KIAA0930: variants seen among roughly 807,000 people sequenced by gnomAD.
KIAA0930 encodes the protein KIAA0930.
KIAA0930 carries 24 observed loss-of-function variants against 43.9 expected under a neutral mutation model. The ratio of observed to expected loss-of-function variants is 0.55; its 90% CI spans 0.40 to 0.77. The LOEUF (loss-of-function observed/expected upper bound fraction) is 0.77. KIAA0930 is among the 30% of genes least tolerant of loss of function. KIAA0930 has a pLI of 0.00. For missense variants in KIAA0930, 461 were observed against 574.2 expected, an observed-to-expected ratio of 0.80 and a Z score of 2.02; for synonymous variants, 259 against 216.4, an observed-to-expected ratio of 1.20 and a Z score of -1.73.
At chr22:45,213,291 C>T (rs1242526124) in intron 1 of KIAA0930, 1 of 1,301,006 alleles carries the variant, frequency 7.7e-7, no homozygotes, top group African/African-American at 1.5e-5. Flanking sequence ...CCTCTGCCCT[C>T]AGCCCTCTGC....
Position 45,230,220 on chromosome 22 carries a change from G to A in KIAA0930, c.64+10420C>T, listed in dbSNP as rs1339291982. Among the ~76,000 whole-genome samples, 3 of 152,202 alleles carry A rather than the reference G, an allele frequency of 2.0e-5. No homozygotes were observed. In the East Asian group the frequency reaches 5.8e-4, roughly 29 times the overall value. On this transcript the variant is annotated intron_variant, in intron 1 of 9. Transcript: ENST00000336156. ...TTGGCCTGCGGCTGAGGAGTGCAGG[G>A]GAGAGCAGACACAGGGCGGGCAGCG...
intron 1 of KIAA0930, among the ~76,000 whole-genome samples, chr22:45,240,105 T>C (rs909387569): frequency 1.3e-5 from 2 of 149,734 alleles, no homozygotes; most frequent in Non-Finnish European, 3.0e-5. Flanking sequence ...GCCCAACAGG[T>C]CCCTGGATAC....
chr22:45,212,129 G>T (rs774603784), intron 1 of KIAA0930, 22 bp from the exon 2 acceptor site: 1 of 1,613,732 alleles, frequency 6.2e-7, no homozygotes, highest in Admixed American at 1.7e-5. Context: ...GGCCAGACAG[G>T]AGTGAGGAAG....
chr22:45,209,585 C>T (rs945143287), intron 2 of KIAA0930, among the ~76,000 whole-genome samples: 2 of 152,168 alleles, frequency 1.3e-5, no homozygotes, highest in African/African-American at 2.4e-5. Flanking sequence ...ACAACCCGCC[C>T]GCCAGATGTC....
At chr22:45,233,238 T>C (rs537615695) in intron 1 of KIAA0930, among the ~76,000 whole-genome samples, 21 of 152,262 alleles carry the variant, frequency 1.4e-4, no homozygotes, top group African/African-American at 4.8e-4. Context: ...TTCACTCAGA[T>C]GCCCAGGTCG....
intron 1 of KIAA0930, among the ~76,000 whole-genome samples, chr22:45,219,478 T>C (rs898209962): frequency 6.6e-6 from 1 of 150,984 alleles, no homozygotes; most frequent in East Asian, 2.0e-4. Context: ...CTGATTAAAA[T>C]AGTTTATAGC....
In KIAA0930 at chr22:45,212,116, G is replaced by A. The variant is rs770119183; in HGVS notation, c.65-9C>T. On this transcript the variant is annotated splice_polypyrimidine_tract_variant and intron_variant, in intron 1 of 9. Coordinates refer to ENST00000336156, the MANE Select transcript of KIAA0930 (RefSeq NM_001009880.2). ...GTCATCCTTGAAGCACCCTGCAGAG[G>A]GAGGCCAGACAGGAGTGAGGAAGGA... The A allele has an allele frequency of 6.2e-7, 1 of 1,613,746 alleles. No homozygotes were observed. Among genetic ancestry groups the A allele is most frequent in the Non-Finnish European group, 8.5e-7 (1 of 1,179,934 alleles).
At chr22:45,197,360 C>A (rs371797912) in intron 9 of KIAA0930, 144 bp from the exon 10 acceptor site, 2 of 697,810 alleles carry the variant, frequency 2.9e-6, no homozygotes, top group Admixed American at 3.0e-5. Context: ...GCAGAGGAGA[C>A]GTGTCTCCAC....
intron 1 of KIAA0930, among the ~76,000 whole-genome samples, chr22:45,228,821 C>T (rs1204257177): frequency 2.0e-5 from 2 of 101,522 alleles, no homozygotes; most frequent in African/African-American, 4.6e-5. Context: ...TCTCCACCCC[C>T]GCCATCACCA....
chr22:45,222,485 T>C (rs1295130881), intron 1 of KIAA0930, among the ~76,000 whole-genome samples: 1 of 152,042 alleles, frequency 6.6e-6, no homozygotes, highest in Non-Finnish European at 1.5e-5. Context: ...ACTTTTTGTA[T>C]TTTTTGTAGA....
Position 45,216,889 on chromosome 22 carries a change from G to A in KIAA0930, c.65-4782C>T, listed in dbSNP as rs189007972. ...CCCTGCCTTCCCTCCCTTCCCTCCC[G>A]GGGTCCTATGAAGCCAGATTATAAT... On this transcript the variant is annotated intron_variant, in intron 1 of 9. Coordinates refer to ENST00000336156, the MANE Select transcript of KIAA0930 (RefSeq NM_001009880.2). Among the ~76,000 whole-genome samples the A allele has an allele frequency of 2.2e-4, 34 of 152,176 alleles. 1 individual carries two copies. The East Asian group carries it at 4.4e-3, about 20-fold the overall frequency.
At chr22:45,232,209 G>A (rs904914367) in intron 1 of KIAA0930, among the ~76,000 whole-genome samples, 19 of 152,304 alleles carry the variant, frequency 1.2e-4, no homozygotes, top group Middle Eastern at 3.4e-3. Context: ...GAGGACACAC[G>A]AGGGTGTGCA....
chr22:45,231,223 GAAA>G (rs529570003), intron 1 of KIAA0930, among the ~76,000 whole-genome samples: 5 of 47,436 alleles, frequency 1.1e-4, no homozygotes, highest in African/African-American at 2.1e-4. Flanking sequence ...CTCCGTCTCA[GAAA>G]AAAAAAAAAA....
intron 2 of KIAA0930, among the ~76,000 whole-genome samples, chr22:45,206,968 G>A (rs188103443): frequency 6.6e-6 from 1 of 151,754 alleles, no homozygotes; most frequent in Admixed American, 6.6e-5. Flanking sequence ...TAAAGTGCTG[G>A]GATTACAAGC....
intron 1 of KIAA0930, among the ~76,000 whole-genome samples, chr22:45,223,505 G>A (rs1385077861): frequency 1.3e-5 from 2 of 152,110 alleles, no homozygotes; most frequent in Non-Finnish European, 2.9e-5. Context: ...TACCTCCTGG[G>A]TTGTTGAAAG....
At chr22:45,203,739 A>G (rs1601810681) in intron 6 of KIAA0930, 106 bp downstream of exon 6, 2 of 1,333,958 alleles carry the variant, frequency 1.5e-6, no homozygotes, top group Non-Finnish European at 2.1e-6. Context: ...GGCGGCCGCT[A>G]CCATGCACAA....
intron 1 of KIAA0930, among the ~76,000 whole-genome samples, chr22:45,229,588 C>T (rs958514715): frequency 6.6e-6 from 1 of 152,290 alleles, no homozygotes; most frequent in South Asian, 2.1e-4. Context: ...ATTCCACCAA[C>T]GGGTCAGGAA....
chr22:45,229,808 C>T (rs888583941), intron 1 of KIAA0930, among the ~76,000 whole-genome samples: 1 of 152,194 alleles, frequency 6.6e-6, no homozygotes, highest in Non-Finnish European at 1.5e-5. Flanking sequence ...AAGGTGTGAA[C>T]GTGGGCCAGG....
At chr22:45,206,950 C>T (rs865777124) in intron 2 of KIAA0930, among the ~76,000 whole-genome samples, 8 of 151,966 alleles carry the variant, frequency 5.3e-5, no homozygotes, top group South Asian at 2.1e-4. Context: ...CTGCCCACCT[C>T]GGCCTCCTAA....
Sources: allele counts gnomAD v4.1 joint callset (sites outside exome capture counted in the v4.1 genomes callset), GRCh38; gene constraint gnomAD v4.1.1; transcripts MANE v1.5; gene names NCBI Gene and HGNC (gene_info 2026-07-23, HGNC 2026-07-21).